The following CIMIP2A variants were observed in gnomAD, a reference collection of about 807,000 sequenced individuals.
CIMIP2A encodes the protein family with sequence similarity 166 member A.
At chr9:137,254,112 C>T in the CIMIP2A span, among the ~76,000 whole-genome samples, 4 of 152,200 alleles carry the variant, frequency 2.6e-5, no homozygotes, top group Admixed American at 6.5e-5. Context: ...TCACCCGCAC[C>T]TCCCCAGGTC....
chr9:137,245,341 G>A, the CIMIP2A span: 18 of 1,601,100 alleles, frequency 1.1e-5, no homozygotes, highest in Non-Finnish European at 1.1e-5. Flanking sequence ...AACAGGAGTG[G>A]CGCTCTTCCA....
At chr9:137,252,407 G>A in the CIMIP2A span, 2 of 1,599,100 alleles carry the variant, frequency 1.3e-6, no homozygotes, top group South Asian at 1.1e-5. Flanking sequence ...GGGGCTCCCA[G>A]CCTTCTCTCT....
At chr9:137,253,022 G>C in the CIMIP2A span, 4 of 1,490,476 alleles carry the variant, frequency 2.7e-6, no homozygotes, top group Non-Finnish European at 3.7e-6. Flanking sequence ...GCAATGTGAG[G>C]ACAAGGGTTC....
the CIMIP2A span, chr9:137,243,620 C>G: frequency 6.2e-7 from 1 of 1,612,780 alleles, no homozygotes; most frequent in African/African-American, 1.3e-5. Context: ...CCAGCCTGTC[C>G]TGTGGCCTGT....
the CIMIP2A span, among the ~76,000 whole-genome samples, chr9:137,246,759 T>C: frequency 6.6e-6 from 1 of 151,654 alleles, no homozygotes; most frequent in Non-Finnish European, 1.5e-5. Flanking sequence ...CGAGACTCCG[T>C]CTCAAAAGAA....
chr9:137,252,362 G>T, the CIMIP2A span: 1 of 1,481,320 alleles, frequency 6.8e-7, no homozygotes, highest in East Asian at 2.4e-5. Flanking sequence ...GGTGGGAACC[G>T]GGAGACAGGT....
chr9:137,245,725 G>C, the CIMIP2A span: 2 of 1,602,776 alleles, frequency 1.2e-6, no homozygotes, highest in African/African-American at 1.3e-5. Context: ...AATGAACTTG[G>C]GTTTGGACAT....
At chr9:137,248,113 G>A in the CIMIP2A span, among the ~76,000 whole-genome samples, 1 of 152,244 alleles carries the variant, frequency 6.6e-6, no homozygotes, top group African/African-American at 2.4e-5. Context: ...GCCTTGGCTC[G>A]AGTCAGGGGC....
At chr9:137,244,607 G>A in the CIMIP2A span, 63 of 1,610,320 alleles carry the variant, frequency 3.9e-5, 1 homozygote, top group Non-Finnish European at 4.7e-5. Flanking sequence ...GTGTGTGTGT[G>A]AGCTGGGAGC....
chr9:137,247,683 C>A, the CIMIP2A span: 2 of 1,613,424 alleles, frequency 1.2e-6, no homozygotes, highest in Non-Finnish European at 1.7e-6. Flanking sequence ...GAGGCTCCGG[C>A]GTGAAGAGAT....
chr9:137,245,793 C>T, the CIMIP2A span: 132 of 1,534,476 alleles, frequency 8.6e-5, no homozygotes, highest in Non-Finnish European at 1.1e-4. Flanking sequence ...GCAGCTGCCC[C>T]GTGGTACGCC....
At chr9:137,252,514 C>T in the CIMIP2A span, 4 of 1,539,610 alleles carry the variant, frequency 2.6e-6, no homozygotes, top group Non-Finnish European at 1.8e-6. Context: ...TGACTTCGAC[C>T]AAGAGCAAAA....
At chr9:137,243,803 G>C in the CIMIP2A span, 2 of 1,613,672 alleles carry the variant, frequency 1.2e-6, 1 homozygote, top group Non-Finnish European at 1.7e-6. Flanking sequence ...GGGGAGCCAG[G>C]CTGCAGCTGA....
the CIMIP2A span, among the ~76,000 whole-genome samples, chr9:137,254,508 G>T: frequency 6.6e-6 from 1 of 152,360 alleles, no homozygotes; most frequent in East Asian, 1.9e-4. Flanking sequence ...GGCTGAGGAG[G>T]GAGGGCTTCC....
the CIMIP2A span, chr9:137,252,406 A>C: frequency 1.3e-6 from 2 of 1,598,538 alleles, no homozygotes; most frequent in Non-Finnish European, 1.7e-6. Flanking sequence ...TGGGGCTCCC[A>C]GCCTTCTCTC....
At chr9:137,245,203 T>A in the CIMIP2A span, 1 of 1,581,380 alleles carries the variant, frequency 6.3e-7, no homozygotes, top group Non-Finnish European at 8.6e-7. Flanking sequence ...TACTCATCCC[T>A]CTGGCAGTGG....
chr9:137,251,727 C>T, the CIMIP2A span: 25 of 1,556,526 alleles, frequency 1.6e-5, no homozygotes, highest in South Asian at 3.5e-5. Context: ...GGCTGCTGGT[C>T]TCCCTTGCAG....
chr9:137,249,169 T>C, the CIMIP2A span, among the ~76,000 whole-genome samples: 1 of 151,798 alleles, frequency 6.6e-6, no homozygotes, highest in African/African-American at 2.4e-5. Flanking sequence ...ATGACCTTTT[T>C]AAGAAAAAAA....
chr9:137,243,674 G>GTAC, the CIMIP2A span: 5 of 1,614,120 alleles, frequency 3.1e-6, no homozygotes, highest in African/African-American at 1.3e-5. Flanking sequence ...CATCCATGCT[G>GTAC]TACAGACACC....
Sources: allele counts gnomAD v4.1 joint callset (sites outside exome capture counted in the v4.1 genomes callset), GRCh38; gene constraint gnomAD v4.1.1; transcripts MANE v1.5; gene names NCBI Gene and HGNC (gene_info 2026-07-23, HGNC 2026-07-21).